The following STXBP5L variants were observed in gnomAD, a reference collection of about 807,000 sequenced individuals.
The protein encoded by STXBP5L is syntaxin binding protein 5L.
Under a neutral mutation model 144.5 loss-of-function variants are expected in STXBP5L, and 65 were observed. That is an observed-to-expected ratio of 0.45 (90% CI 0.37 to 0.55). STXBP5L has a LOEUF of 0.55. STXBP5L is among the 20% of genes least tolerant of loss of function. STXBP5L has a pLI of 0.00. For synonymous variants in STXBP5L, 505 were observed against 469.6 expected (o/e 1.08, Z -0.97); for missense variants, 1,298 against 1,405.5 (o/e 0.92, Z 1.22).
At chr3:121,107,248 TG>T (rs1252696798) in intron 5 of STXBP5L, among the ~76,000 whole-genome samples, 3 of 152,220 alleles carry the variant, frequency 2.0e-5, no homozygotes, top group Non-Finnish European at 4.4e-5. Context: ...TTTTTGCTTT[TG>T]TTGCAATTGC....
chr3:121,096,512 G>C (rs866606196), intron 5 of STXBP5L, among the ~76,000 whole-genome samples: 1 of 152,122 alleles, frequency 6.6e-6, no homozygotes, highest in African/African-American at 2.4e-5. Flanking sequence ...TTTGGTCCTT[G>C]ATTTTGGTTA....
chr3:121,051,726 T>C (rs1266808430), intron 5 of STXBP5L, among the ~76,000 whole-genome samples: 1 of 151,666 alleles, frequency 6.6e-6, no homozygotes, highest in Non-Finnish European at 1.5e-5. Context: ...AGGCAAGAAA[T>C]AACTAAAATC....
intron 9 of STXBP5L, 41 bp from the exon 10 acceptor site, chr3:121,205,882 A>G (rs2048316236): frequency 1.9e-6 from 2 of 1,072,572 alleles, no homozygotes; most frequent in East Asian, 6.0e-5. Context: ...ACAGATGAAT[A>G]TAATTTAAAT....
At chr3:121,024,509 A>T (rs1945790434) in intron 3 of STXBP5L, among the ~76,000 whole-genome samples, 1 of 152,196 alleles carries the variant, frequency 6.6e-6, no homozygotes, top group Non-Finnish European at 1.5e-5. Flanking sequence ...TCTCGGATAC[A>T]TTCAGCTCTG....
At chr3:121,313,048 C>T (rs1468943048) in intron 19 of STXBP5L, among the ~76,000 whole-genome samples, 29 of 148,476 alleles carry the variant, frequency 2.0e-4, no homozygotes, top group African/African-American at 7.0e-4. Context: ...CGGGCAGAAG[C>T]GCCCCTCACC....
chr3:121,267,449 A>G (rs2050602646), intron 18 of STXBP5L, among the ~76,000 whole-genome samples: 1 of 152,242 alleles, frequency 6.6e-6, no homozygotes, highest in Non-Finnish European at 1.5e-5. Context: ...ACCTGAAACT[A>G]TAAAAGCCCT....
At chr3:121,384,099 T>C (rs2046375422) in intron 22 of STXBP5L, among the ~76,000 whole-genome samples, 1 of 152,166 alleles carries the variant, frequency 6.6e-6, no homozygotes, top group Admixed American at 6.5e-5. Flanking sequence ...TTGAAATTTA[T>C]CCACTCATTC....
chr3:121,286,119 C>T (rs2051223245), intron 19 of STXBP5L, among the ~76,000 whole-genome samples: 1 of 152,132 alleles, frequency 6.6e-6, no homozygotes, highest in Non-Finnish European at 1.5e-5. Flanking sequence ...GTCTACATTG[C>T]TTGTGCATCA....
intron 19 of STXBP5L, among the ~76,000 whole-genome samples, chr3:121,282,746 A>C (rs1361282455): frequency 6.6e-6 from 1 of 151,962 alleles, no homozygotes; most frequent in Non-Finnish European, 1.5e-5. Flanking sequence ...ATACTATTCT[A>C]ACCAGGGTCA....
chr3:121,212,192 T>C (rs1414615027), intron 10 of STXBP5L, among the ~76,000 whole-genome samples: 6 of 152,216 alleles, frequency 3.9e-5, no homozygotes, highest in Admixed American at 2.0e-4. Flanking sequence ...ATAGTTTCTT[T>C]TGCTGTACAG....
intron 5 of STXBP5L, among the ~76,000 whole-genome samples, chr3:121,091,026 G>C (rs1465049339): frequency 3.3e-5 from 5 of 149,770 alleles, no homozygotes; most frequent in Non-Finnish European, 7.4e-5. Flanking sequence ...AGAATATGCG[G>C]TGTGTGGTTT....
chr3:120,995,737 G>A (rs916172405), intron 3 of STXBP5L, among the ~76,000 whole-genome samples: 2 of 151,730 alleles, frequency 1.3e-5, no homozygotes, highest in African/African-American at 2.4e-5. Context: ...TACATTGAGC[G>A]CCATATCAGA....
intron 7 of STXBP5L, among the ~76,000 whole-genome samples, chr3:121,136,307 C>A (rs1279262356): frequency 1.3e-5 from 2 of 152,130 alleles, no homozygotes; most frequent in African/African-American, 4.8e-5. Context: ...GCAGATCCCT[C>A]CCCACCACAG....
rs775308756 is a variant in STXBP5L, at chr3:121,381,316, C to T, written c.2371C>T (p.Arg791Cys). Residue 791 changes from arginine (R) to cysteine (C), a missense_variant, in exon 22 of 27, where the codon CGT becomes TGT. Coordinates refer to ENST00000471454, the MANE Select transcript of STXBP5L (RefSeq NM_001308330.2). ...TEENRENSYN[R>C]SRSSSISSID... is the part of the protein sequence containing the mutation. ...AGAAAACCGAGAAAATTCCTATAAT[C>T]GTTCTAGAAGCTCTAGTATCTCCAG... The T allele has an allele frequency of 4.4e-6, 7 of 1,581,484 alleles. No individual in the cohort carries two copies. The highest frequency in any genetic ancestry group is 2.0e-5 in the Admixed American group (1 of 49,684).
At chr3:120,931,410 GTT>G (rs1412517903) in intron 2 of STXBP5L, among the ~76,000 whole-genome samples, 2 of 152,068 alleles carry the variant, frequency 1.3e-5, no homozygotes, top group African/African-American at 4.8e-5. Flanking sequence ...TTCCACAGTG[GTT>G]TTATTTTTGT....
intron 7 of STXBP5L, among the ~76,000 whole-genome samples, chr3:121,151,208 AATTTT>A (rs1203395204): frequency 4.6e-5 from 7 of 152,276 alleles, no homozygotes; most frequent in African/African-American, 1.7e-4. Context: ...CAGTCATATC[AATTTT>A]ATTTTAAGAA....
intron 5 of STXBP5L, among the ~76,000 whole-genome samples, chr3:121,052,256 AGGCTTTGATACC>A (rs1948070440): frequency 6.6e-6 from 1 of 151,974 alleles, no homozygotes; most frequent in Non-Finnish European, 1.5e-5. Context: ...CCTGGCATCC[AGGCTTTGATACC>A]AAAGCCTGGC....
At chr3:121,389,438 G>A (rs1303103121) in intron 22 of STXBP5L, among the ~76,000 whole-genome samples, 1 of 152,130 alleles carries the variant, frequency 6.6e-6, no homozygotes, top group East Asian at 1.9e-4. Context: ...TTTTGAATTT[G>A]TTTGCTCTTG....
intron 10 of STXBP5L, among the ~76,000 whole-genome samples, chr3:121,210,349 G>C (rs539551945): frequency 2.6e-5 from 4 of 152,064 alleles, no homozygotes; most frequent in South Asian, 4.2e-4. Flanking sequence ...CAGATGAGTA[G>C]ATTGCAAAAA....
Sources: allele counts gnomAD v4.1 joint callset (sites outside exome capture counted in the v4.1 genomes callset), GRCh38; gene constraint gnomAD v4.1.1; transcripts MANE v1.5; gene names NCBI Gene and HGNC (gene_info 2026-07-23, HGNC 2026-07-21).